Variants in PRPH2 observed in about 807,000 individuals in gnomAD.
PRPH2 encodes peripherin 2.
Under a neutral mutation model 31.3 loss-of-function variants are expected in PRPH2, and 17 were observed. That is an observed-to-expected ratio of 0.54 (90% CI 0.37 to 0.81). The LOEUF is 0.81. Among genes scored for constraint, PRPH2 ranks in the 40% least tolerant of loss-of-function variants. The pLI is 0.00. For synonymous variants in PRPH2, 165 were observed against 184.4 expected, an observed-to-expected ratio of 0.89 and a Z score of 0.85; for missense variants, 430 against 439.7, an observed-to-expected ratio of 0.98 and a Z score of 0.20.
chr6:42,720,357 C>T (rs889329091), intron 1 of PRPH2, among the ~76,000 whole-genome samples: 3 of 152,080 alleles, frequency 2.0e-5, no homozygotes, highest in Non-Finnish European at 4.4e-5. Flanking sequence ...GTTCTACCAT[C>T]GGCCTCTCCC....
chr6:42,706,548 T>A (rs1800168002), intron 1 of PRPH2, among the ~76,000 whole-genome samples: 1 of 150,050 alleles, frequency 6.7e-6, no homozygotes, highest in African/African-American at 2.5e-5. Context: ...GAGGTTGCAG[T>A]GAGCCGAGAT....
At chr6:42,721,446 A>G (rs1761900175) in intron 1 of PRPH2, among the ~76,000 whole-genome samples, 1 of 152,260 alleles carries the variant, frequency 6.6e-6, no homozygotes. Flanking sequence ...GTGGACACAC[A>G]TTGCTGCCTG....
chr6:42,721,685 G>T, intron 1 of PRPH2, 69 bp downstream of exon 1: 1 of 1,572,972 alleles, frequency 6.4e-7, no homozygotes, highest in Non-Finnish European at 8.7e-7. Context: ...AGAGGGGCTG[G>T]TCAGAGGCCT....
At chr6:42,719,167 C>CTTTTTTTTTTTT (rs10594241) in intron 1 of PRPH2, among the ~76,000 whole-genome samples, 2 of 144,910 alleles carry the variant, frequency 1.4e-5, no homozygotes, top group Non-Finnish European at 3.0e-5. Flanking sequence ...AGTGGACTTC[C>CTTTTTTTTTTTT]TTTTTTTTTT....
chr6:42,699,014 C>A (rs1353104606), intron 2 of PRPH2, among the ~76,000 whole-genome samples: 3 of 150,992 alleles, frequency 2.0e-5, no homozygotes, highest in Non-Finnish European at 4.4e-5. Context: ...ATTAAGAGGT[C>A]ACCTCCTTTT....
intron 1 of PRPH2, among the ~76,000 whole-genome samples, chr6:42,719,673 C>T (rs1045048158): frequency 6.8e-6 from 1 of 147,792 alleles, no homozygotes; most frequent in Non-Finnish European, 1.5e-5. Context: ...CTGGTTCAAG[C>T]GTTCTCCCGC....
At chr6:42,710,157 C>G (rs1396454144) in intron 1 of PRPH2, among the ~76,000 whole-genome samples, 4 of 152,172 alleles carry the variant, frequency 2.6e-5, no homozygotes, top group Non-Finnish European at 1.5e-5. Flanking sequence ...CTGTGTCTCC[C>G]CCTCAGACTG....
intron 1 of PRPH2, among the ~76,000 whole-genome samples, chr6:42,714,523 T>C (rs1761735694): frequency 6.6e-6 from 1 of 152,190 alleles, no homozygotes; most frequent in African/African-American, 2.4e-5. Context: ...AAGCTGTTTT[T>C]TCTTTTTGTT....
chr6:42,703,353 A>C (rs1305743888), intron 2 of PRPH2, among the ~76,000 whole-genome samples: 4 of 152,236 alleles, frequency 2.6e-5, no homozygotes, highest in African/African-American at 9.6e-5. Context: ...AGATGAACCC[A>C]CACATAACTA....
intron 1 of PRPH2, among the ~76,000 whole-genome samples, chr6:42,720,344 C>T (rs576104202): frequency 3.9e-5 from 6 of 152,208 alleles, no homozygotes; most frequent in African/African-American, 1.4e-4. Flanking sequence ...CTCACAGAGG[C>T]TGGTTCTACC....
intron 1 of PRPH2, chr6:42,711,839 G>A: frequency 3.0e-6 from 3 of 985,372 alleles, no homozygotes; most frequent in South Asian, 9.4e-5. Flanking sequence ...GGGACCCCAG[G>A]CTGGGCCTTC....
At chr6:42,700,664 GCTTTC>G (rs1800029075) in intron 2 of PRPH2, among the ~76,000 whole-genome samples, 3 of 152,198 alleles carry the variant, frequency 2.0e-5, no homozygotes, top group Admixed American at 2.0e-4. Flanking sequence ...ATCCCCTCCT[GCTTTC>G]CTGAAGGAGG....
At chr6:42,721,687 C>G in intron 1 of PRPH2, 67 bp downstream of exon 1, 1 of 1,582,514 alleles carries the variant, frequency 6.3e-7, no homozygotes, top group Non-Finnish European at 8.7e-7. Context: ...AGGGGCTGGT[C>G]AGAGGCCTGA....
In PRPH2 at chr6:42,704,474, G is replaced by T. The variant is rs764626088; in HGVS notation, c.719C>A (p.Thr240Lys). 29 of 1,613,996 alleles carry T rather than the reference G, an allele frequency of 1.8e-5. No homozygotes were observed. Among genetic ancestry groups the T allele is most frequent in the Non-Finnish European group, 2.0e-5 (24 of 1,179,964 alleles). The change falls in exon 2 of 3, where the codon ACG becomes AAG. Residue 240 changes from threonine (T) to lysine (K), a missense_variant. Transcript: ENST00000230381. The part of the protein sequence containing the change: ...NSAHYSYDHQ[T>K]EELNLWVRGC... ...ACGCACCCACAGGTTGAGCTCCTCC[G>T]TCTGGTGGTCGTAACTGTAGTGTGC... is the stretch of plus-strand genomic sequence containing the variant.
At chr6:42,713,708 G>C (rs1443822509) in intron 1 of PRPH2, among the ~76,000 whole-genome samples, 1 of 151,816 alleles carries the variant, frequency 6.6e-6, no homozygotes, top group African/African-American at 2.4e-5. Context: ...ATCACCTGAG[G>C]TCAGGAATTT....
rs1284035802 is a variant in PRPH2 at position 42,714,000 on chromosome 6, A to G, written c.581+7754T>C. On this transcript the variant is annotated intron_variant, in intron 1 of 2. Transcript: ENST00000230381. The stretch of plus-strand genomic sequence containing the variant: ...GAAAAGCAAGACTTCCCGTACCCCA[A>G]GCAGCCTGGATAATTTGAGGTTTCT... Among the ~76,000 whole-genome samples the G allele has an allele frequency of 2.0e-5, 3 of 151,640 alleles. No individual in the cohort carries two copies. The East Asian group carries it at 5.8e-4, about 29-fold the overall frequency.
rs530954507 is a variant in PRPH2 at position 42,697,369 on chromosome 6, T to A, written c.*926A>T. 13 of 152,350 alleles carry A rather than the reference T, an allele frequency of 8.5e-5. No individual in the cohort carries two copies. In the East Asian group the frequency reaches 2.5e-3, roughly 29 times the overall value. 9.4% of individuals were successfully genotyped at this position (152,350 alleles called of 1,614,324 possible). A position where few individuals can be genotyped will look rare whatever the true frequency, so the allele number is the denominator to read the frequency against. On this transcript the variant is annotated 3_prime_UTR_variant, in exon 3 of 3. Coordinates refer to ENST00000230381, the MANE Select transcript of PRPH2 (RefSeq NM_000322.5). ...GGACAATTAGTGTTGTCCATGGGGC[T>A]GTGATGGCCACCTGTGTGGGTGTCC...
intron 1 of PRPH2, among the ~76,000 whole-genome samples, chr6:42,705,599 A>AAATATATATATATAT (rs1562424252): frequency 1.4e-4 from 3 of 21,542 alleles, no homozygotes; most frequent in Non-Finnish European, 2.5e-4. Context: ...AAAAAAAAAA[A>AAATATATATATATAT]ATATATATAT....
intron 1 of PRPH2, among the ~76,000 whole-genome samples, chr6:42,717,608 A>G (rs1582776738): frequency 6.6e-6 from 1 of 152,340 alleles, no homozygotes; most frequent in Admixed American, 6.5e-5. Flanking sequence ...TTGGAGAGCC[A>G]GCTTTGTCAT....
Sources: allele counts gnomAD v4.1 joint callset (sites outside exome capture counted in the v4.1 genomes callset), GRCh38; gene constraint gnomAD v4.1.1; transcripts MANE v1.5; gene names NCBI Gene and HGNC (gene_info 2026-07-23, HGNC 2026-07-21).